R3HCC1L: variants seen among roughly 807,000 people sequenced by gnomAD.
The protein encoded by R3HCC1L is R3H domain and coiled-coil containing 1 like.
In R3HCC1L, 51 loss-of-function variants were observed where a neutral mutation model predicts 59.9. The ratio of observed to expected loss-of-function variants is 0.85; its 90% CI spans 0.68 to 1.07. The LOEUF (loss-of-function observed/expected upper bound fraction) is 1.07, where lower values mean the gene tolerates loss of function less well. Ranked by LOEUF, R3HCC1L falls within the 50% of genes least tolerant of loss-of-function variation. R3HCC1L has a pLI of 0.00. For synonymous variants in R3HCC1L, 322 were observed against 315.2 expected, an observed-to-expected ratio of 1.02 and a Z score of -0.23; for missense variants, 965 against 933.0, an observed-to-expected ratio of 1.03 and a Z score of -0.45.
intron 9 of R3HCC1L, among the ~76,000 whole-genome samples, chr10:98,238,803 C>G (rs1763773542): frequency 1.3e-5 from 2 of 152,300 alleles, no homozygotes; most frequent in South Asian, 4.1e-4. Context: ...TGACAAGCTT[C>G]TTTGTTATCT....
intron 4 of R3HCC1L, among the ~76,000 whole-genome samples, chr10:98,183,068 G>A (rs1488567780): frequency 1.3e-5 from 2 of 152,176 alleles, no homozygotes; most frequent in Non-Finnish European, 2.9e-5. Context: ...CAGTCCCAAT[G>A]AGATGAACCA....
chr10:98,218,040 A>G (rs1854419021), intron 5 of R3HCC1L, among the ~76,000 whole-genome samples: 1 of 152,170 alleles, frequency 6.6e-6, no homozygotes, highest in African/African-American at 2.4e-5. Context: ...GACTTCAAGT[A>G]CTACGATGAA....
intron 1 of R3HCC1L, among the ~76,000 whole-genome samples, chr10:98,153,776 G>A (rs1328693143): frequency 1.3e-5 from 2 of 149,780 alleles, no homozygotes; most frequent in African/African-American, 4.9e-5. Flanking sequence ...ACACACTCCT[G>A]CACTTAAAGA....
At chr10:98,224,905 A>G (rs1402471127) in intron 5 of R3HCC1L, among the ~76,000 whole-genome samples, 4 of 152,240 alleles carry the variant, frequency 2.6e-5, no homozygotes, top group Non-Finnish European at 5.9e-5. Context: ...TATAAATACA[A>G]TGCAAGTCAC....
At chr10:98,184,584 C>T (rs1271234389) in intron 4 of R3HCC1L, among the ~76,000 whole-genome samples, 2 of 152,178 alleles carry the variant, frequency 1.3e-5, no homozygotes, top group Non-Finnish European at 2.9e-5. Context: ...CAATGCATTT[C>T]TTAGACCATA....
At chr10:98,222,866 G>A (rs1402408548) in intron 5 of R3HCC1L, among the ~76,000 whole-genome samples, 7 of 152,032 alleles carry the variant, frequency 4.6e-5, no homozygotes, top group African/African-American at 1.2e-4. Flanking sequence ...TATCACCACC[G>A]ATCCCACAGA....
At chr10:98,181,978 G>T (rs1292884375) in intron 4 of R3HCC1L, among the ~76,000 whole-genome samples, 3 of 152,140 alleles carry the variant, frequency 2.0e-5, no homozygotes, top group Admixed American at 6.5e-5. Context: ...GCTCGGAGAA[G>T]TTTGTTACTA....
At chr10:98,206,889 C>T (rs551260497) in intron 4 of R3HCC1L, among the ~76,000 whole-genome samples, 53 of 152,184 alleles carry the variant, frequency 3.5e-4, no homozygotes, top group African/African-American at 1.3e-3. Context: ...GAATGTTGGG[C>T]TAGATGTTAA....
At chr10:98,173,717 TC>T (rs1022806886) in intron 4 of R3HCC1L, among the ~76,000 whole-genome samples, 49 of 152,074 alleles carry the variant, frequency 3.2e-4, no homozygotes, top group African/African-American at 1.1e-3. Context: ...TACTCTTTTT[TC>T]CCCCTAACCA....
intron 5 of R3HCC1L, among the ~76,000 whole-genome samples, chr10:98,229,095 A>C (rs1388799402): frequency 6.6e-6 from 1 of 152,042 alleles, no homozygotes; most frequent in Non-Finnish European, 1.5e-5. Flanking sequence ...ATGAACTTTA[A>C]AGTAGTTTTT....
intron 5 of R3HCC1L, among the ~76,000 whole-genome samples, chr10:98,230,797 C>T (rs990373664): frequency 5.3e-5 from 8 of 152,176 alleles, no homozygotes; most frequent in South Asian, 2.1e-4. Flanking sequence ...GCTTTGCTGC[C>T]GCTTTCCACT....
chr10:98,217,052 TGTTGG>T (rs1854291168), intron 5 of R3HCC1L, among the ~76,000 whole-genome samples: 1 of 152,176 alleles, frequency 6.6e-6, no homozygotes, highest in Non-Finnish European at 1.5e-5. Flanking sequence ...AAAACCAAAA[TGTTGG>T]TAAGGAAATT....
At chr10:98,205,824 C>G (rs1852574064) in intron 4 of R3HCC1L, among the ~76,000 whole-genome samples, 2 of 152,110 alleles carry the variant, frequency 1.3e-5, no homozygotes, top group Admixed American at 1.3e-4. Flanking sequence ...AGGTCTATTG[C>G]AGATTAGAAA....
chr10:98,136,815 C>G (rs1304894889), intron 1 of R3HCC1L, among the ~76,000 whole-genome samples: 1 of 151,988 alleles, frequency 6.6e-6, no homozygotes, highest in African/African-American at 2.4e-5. Flanking sequence ...CTAGCCTGGC[C>G]GATAGATTGA....
At position 98,209,825 on chromosome 10, in the gene R3HCC1L, A is replaced by G; in HGVS notation, c.1711A>G (p.Thr571Ala). Residue 571 changes from threonine to alanine, a missense_variant, in exon 5 of 10, where the codon ACT becomes GCT. Coordinates refer to ENST00000298999, the MANE Select transcript of R3HCC1L (RefSeq NM_001351015.2). ...ATETSHTEGITAIEESWESMF... is the reference protein window; with the variant it reads ...ATETSHTEGIAAIEESWESMF... ...TGAAACTTCTCACACAGAGGGAATT[A>G]CTGCCATTGAGGAGAGCTGGGAGTC... 6.2e-7 allele frequency: 1 copy of G among 1,613,874 alleles called. No individual in the cohort carries two copies. The highest frequency in any genetic ancestry group is 1.1e-5 in the South Asian group (1 of 91,046).
chr10:98,204,636 A>G (rs1852430940), intron 4 of R3HCC1L, among the ~76,000 whole-genome samples: 1 of 152,154 alleles, frequency 6.6e-6, no homozygotes, highest in Admixed American at 6.5e-5. Flanking sequence ...TTTGCTTTCC[A>G]TGATTTCAGT....
chr10:98,150,362 A>C (rs888939167), intron 1 of R3HCC1L, among the ~76,000 whole-genome samples: 6 of 152,014 alleles, frequency 3.9e-5, no homozygotes, highest in Admixed American at 3.3e-4. Context: ...GTGGATGTGC[A>C]TCTGTATATT....
chr10:98,172,815 A>C (rs902714104), intron 4 of R3HCC1L, among the ~76,000 whole-genome samples: 2 of 152,206 alleles, frequency 1.3e-5, no homozygotes, highest in Non-Finnish European at 2.9e-5. Flanking sequence ...CTGTAGCCCA[A>C]GCTTACTTCC....
At chr10:98,229,043 CT>C (rs1359072983) in intron 5 of R3HCC1L, among the ~76,000 whole-genome samples, 1 of 151,972 alleles carries the variant, frequency 6.6e-6, no homozygotes, top group Non-Finnish European at 1.5e-5. Context: ...GTTCTTTTGG[CT>C]TAGGATTGAC....
Sources: gnomAD v4.1 joint callset for allele counts (sites outside exome capture counted in the v4.1 genomes callset) on GRCh38, gnomAD v4.1.1 for gene constraint, MANE v1.5 for transcripts, NCBI Gene and HGNC (gene_info 2026-07-23, HGNC 2026-07-21) for gene names.